Variants in FAM83F observed in about 807,000 individuals in gnomAD.
The protein encoded by FAM83F is scaffolding CK1 anchoring protein F, also known as protein FAM83F.
In FAM83F, 45 loss-of-function variants were observed where a neutral mutation model predicts 42.9. That is an observed-to-expected ratio of 1.05 (90% CI 0.83 to 1.35). The LOEUF (loss-of-function observed/expected upper bound fraction) is 1.35, where lower values mean the gene tolerates loss of function less well. FAM83F is among the 40% of genes most tolerant of loss of function. The pLI, the probability that FAM83F is intolerant of heterozygous loss-of-function variation, is 0.00. For missense variants in FAM83F, 617 were observed against 695.9 expected (o/e 0.89, Z 1.28); for synonymous variants, 306 against 298.3 (o/e 1.03, Z -0.27).
intron 1 of FAM83F, among the ~76,000 whole-genome samples, chr22:40,015,550 C>T (rs1389565910): frequency 6.6e-6 from 1 of 152,096 alleles, no homozygotes; most frequent in Non-Finnish European, 1.5e-5. Context: ...AAAAGGTGAC[C>T]CTTCCCTGGG....
chr22:39,995,541 C>G lies in FAM83F; in HGVS notation c.489+10C>G. Reference sequence around the variant, plus strand: ...CCAACAGGCCCAGAAGGTAGGCCCCCGCCTTCGCCCCCACACCGCTGGGAC... The same window carrying G: ...CCAACAGGCCCAGAAGGTAGGCCCCGGCCTTCGCCCCCACACCGCTGGGAC... On this transcript the variant is annotated intron_variant, in intron 1 of 4. Transcript: ENST00000333407. This position sits in a 1 kb window ranked among gnomAD's most constrained non-coding sequence, Gnocchi z 4.6. 3 of 1,543,390 alleles carry G rather than the reference C, an allele frequency of 1.9e-6. No individual in the cohort carries two copies. The highest frequency in any genetic ancestry group is 2.6e-6 in the Non-Finnish European group (3 of 1,140,418).
chr22:40,006,482 A>T lies in FAM83F; in HGVS notation c.489+10951A>T, dbSNP rs999839718. On this transcript the variant is annotated intron_variant, in intron 1 of 4. Coordinates refer to ENST00000333407, the MANE Select transcript of FAM83F (RefSeq NM_138435.4). Reference sequence around the variant, plus strand: ...GTGTCCTAGGGAAGGCACACACTACACTGGGGACTGAGGACAGAGGACAAT... The same window carrying T: ...GTGTCCTAGGGAAGGCACACACTACTCTGGGGACTGAGGACAGAGGACAAT... 3.3e-5 allele frequency among the ~76,000 whole-genome samples: 5 copies of T among 152,142 alleles called. 1 individual carries two copies. Among genetic ancestry groups the T allele is most frequent in the Non-Finnish European group, 7.4e-5 (5 of 68,024 alleles).
At position 40,035,261 on chromosome 22, in the gene FAM83F, G is replaced by C. The variant is rs1278631752; in HGVS notation, c.*5696G>C. 3 of 152,398 alleles carry C rather than the reference G, an allele frequency of 2.0e-5. No homozygotes were observed. The highest frequency in any genetic ancestry group is 6.5e-5 in the Admixed American group (1 of 15,290). The allele number at this position is 152,398 out of a possible 1,614,324, so 9.4% of individuals were successfully genotyped here. ...AGGAGATGGGCTAGGGCCTGCCACG[G>C]AAGCCAGCAAGCGCGTGGGAGCTGG... is the stretch of plus-strand genomic sequence containing the variant. On this transcript the variant is annotated 3_prime_UTR_variant, in exon 5 of 5. Transcript: ENST00000333407.
At chr22:40,000,520 A>G (rs567524058) in intron 1 of FAM83F, among the ~76,000 whole-genome samples, 1 of 152,334 alleles carries the variant, frequency 6.6e-6, no homozygotes, top group South Asian at 2.1e-4. Flanking sequence ...CGTTTCCCTC[A>G]TTCAGCTACA....
intron 1 of FAM83F, among the ~76,000 whole-genome samples, chr22:40,006,761 C>G (rs1051507677): frequency 6.6e-6 from 1 of 152,110 alleles, no homozygotes; most frequent in Non-Finnish European, 1.5e-5. Flanking sequence ...AGGCAGAGTC[C>G]GGAGCCGCTG....
Position 40,035,167 on chromosome 22 carries a change from G to A in FAM83F, c.*5602G>A, listed in dbSNP as rs1199983110. On this transcript the variant is annotated 3_prime_UTR_variant, in exon 5 of 5. Coordinates refer to ENST00000333407, the MANE Select transcript of FAM83F (RefSeq NM_138435.4). The stretch of plus-strand genomic sequence containing the variant: ...GAATCAAGTTTTCATTTAGAAAAAT[G>A]GCTAGAAGTTAGGGCATTGCCTGCA... 6.6e-6 allele frequency: 1 copy of A among 152,200 alleles called. No individual in the cohort carries two copies. Among genetic ancestry groups the A allele is most frequent in the Non-Finnish European group, 1.5e-5 (1 of 68,030 alleles). 9.4% of individuals were successfully genotyped at this position (152,200 alleles called of 1,614,324 possible). A position where few individuals can be genotyped will look rare whatever the true frequency, so the allele number is the denominator to read the frequency against.
chr22:40,021,836 C>T lies in FAM83F; in HGVS notation c.1326C>T (p.Leu442=), dbSNP rs1379136001. The part of the protein sequence containing the change: ...AAPARRFSSR[L]FSRRAKRPAA... ...CCGCCAGGCGCTTCAGCAGCAGGCT[C>T]TTCAGTCGCCGAGCCAAGAGGCCTG... The change falls in exon 4 of 5, where the codon CTC becomes CTT. Residue 442 remains leucine (L), a synonymous_variant. Coordinates refer to ENST00000333407, the MANE Select transcript of FAM83F (RefSeq NM_138435.4). The surrounding 1 kb of genome is among the most constrained non-coding windows in gnomAD (Gnocchi z 8.7). 8 of 1,612,572 alleles carry T rather than the reference C, an allele frequency of 5.0e-6. No individual in the cohort carries two copies. Among genetic ancestry groups the T allele is most frequent in the Non-Finnish European group, 6.8e-6 (8 of 1,179,696 alleles).
chr22:40,040,149 G>C lies in FAM83F; in HGVS notation c.*10584G>C, dbSNP rs1198062390. On this transcript the variant is annotated 3_prime_UTR_variant, in exon 5 of 5. Transcript: ENST00000333407. ...TGAGTTTATAGGGGGTAAAGAGGAT[G>C]GGGCTGAGATACTAAAGACTACGAG... 6.6e-6 allele frequency: 1 copy of C among 152,216 alleles called. No individual in the cohort carries two copies. The allele number at this position is 152,216 out of a possible 1,614,324, so 9.4% of individuals were successfully genotyped here.
At chr22:40,004,680 C>A (rs1300014713) in intron 1 of FAM83F, among the ~76,000 whole-genome samples, 1 of 152,174 alleles carries the variant, frequency 6.6e-6, no homozygotes, top group Non-Finnish European at 1.5e-5. Context: ...TCAAGTGATC[C>A]ACCCTCTTCG....
At chr22:40,015,986 T>A (rs1426680106) in intron 1 of FAM83F, among the ~76,000 whole-genome samples, 1 of 152,138 alleles carries the variant, frequency 6.6e-6, no homozygotes, top group Non-Finnish European at 1.5e-5. Context: ...AAAGGAAGAC[T>A]CTGAGGCAAA....
At chr22:40,009,345 C>G (rs2067451340) in intron 1 of FAM83F, among the ~76,000 whole-genome samples, 1 of 152,066 alleles carries the variant, frequency 6.6e-6, no homozygotes, top group Non-Finnish European at 1.5e-5. Flanking sequence ...TCTTTGCAGG[C>G]AACAGCAGCC....
intron 4 of FAM83F, among the ~76,000 whole-genome samples, chr22:40,027,410 C>T (rs932937336): frequency 1.3e-5 from 2 of 152,178 alleles, no homozygotes; most frequent in Admixed American, 1.3e-4. Flanking sequence ...GCCACCCTCA[C>T]CCCATGCTTA....
At chr22:40,027,314 T>C (rs1196137726) in intron 4 of FAM83F, among the ~76,000 whole-genome samples, 1 of 152,170 alleles carries the variant, frequency 6.6e-6, no homozygotes, top group East Asian at 1.9e-4. Context: ...ATGGCTTCCA[T>C]GTGGGTGACC....
rs59308005 is a variant in FAM83F at position 40,017,225 on chromosome 22, C to CTT, written c.490-1924_490-1923dup. On this transcript the variant is annotated intron_variant, in intron 1 of 4. Transcript: ENST00000333407. ...TGGCAGGTGCTGCTCTCAGCACTTTCTTTTTTTTTTTTTTTTTTTTGAGAC... is the reference window on the plus strand; with the variant it reads ...TGGCAGGTGCTGCTCTCAGCACTTTCTTTTTTTTTTTTTTTTTTTTTTGAGAC... 6.2e-3 allele frequency among the ~76,000 whole-genome samples: 712 copies of CTT among 115,534 alleles called. 20 individuals carry two copies. Among genetic ancestry groups the CTT allele is most frequent in the African/African-American group, 0.017 (496 of 28,964 alleles). 75.8% of individuals were successfully genotyped at this position (115,534 alleles called of 152,430 possible).
intron 4 of FAM83F, among the ~76,000 whole-genome samples, chr22:40,029,080 C>CGTGTGTGTGTGTGTGTGT (rs55770640): frequency 7.7e-6 from 1 of 130,520 alleles, no homozygotes; most frequent in Non-Finnish European, 1.6e-5. Context: ...CTTGGCTAGA[C>CGTGTGTGTGTGTGTGTGT]GTGTGTGTGT....
At chr22:40,005,723 G>GC (rs1326498072) in intron 1 of FAM83F, among the ~76,000 whole-genome samples, 1 of 152,246 alleles carries the variant, frequency 6.6e-6, no homozygotes, top group Non-Finnish European at 1.5e-5. Flanking sequence ...CGGAATCAGA[G>GC]CCCCACACTG....
At chr22:40,026,320 A>G (rs529451981) in intron 4 of FAM83F, among the ~76,000 whole-genome samples, 1 of 152,280 alleles carries the variant, frequency 6.6e-6, no homozygotes, top group South Asian at 2.1e-4. Context: ...GGAGATCGAG[A>G]TCATCCTGGC....
At chr22:40,028,854 G>A (rs145415024) in intron 4 of FAM83F, among the ~76,000 whole-genome samples, 46 of 152,340 alleles carry the variant, frequency 3.0e-4, no homozygotes, top group African/African-American at 1.1e-3. Context: ...TTCCTGAGGC[G>A]CCAGCTTTCC....
At chr22:40,020,154 C>A (rs2067512043) in intron 3 of FAM83F, 146 bp downstream of exon 3, 2 of 1,204,676 alleles carry the variant, frequency 1.7e-6, no homozygotes, top group Non-Finnish European at 2.2e-6. Context: ...TCTGCCCAGT[C>A]CCTTCCCTCA....
Sources: gnomAD v4.1 joint callset for allele counts (sites outside exome capture counted in the v4.1 genomes callset) on GRCh38, gnomAD v4.1.1 for gene constraint, Gnocchi (gnomAD v3.1) non-coding constraint, MANE v1.5 for transcripts, NCBI Gene and HGNC (gene_info 2026-07-23, HGNC 2026-07-21) for gene names.